The following SDHAF3 variants were observed in gnomAD, a reference collection of about 807,000 sequenced individuals.
SDHAF3 encodes the protein succinate dehydrogenase complex assembly factor 3.
A neutral mutation model predicts 11.5 loss-of-function variants in SDHAF3; 18 were observed. The observed-to-expected ratio is 1.56, with a 90% CI of 1.08 to 2.32. The LOEUF (loss-of-function observed/expected upper bound fraction) is 2.32. SDHAF3 is among the 30% of genes most tolerant of loss of function. The pLI is 0.00. For synonymous variants in SDHAF3, 72 were observed against 59.3 expected (o/e 1.21, Z -0.99); for missense variants, 200 against 154.4 (o/e 1.30, Z -1.57).
At chr7:97,145,385 T>G (rs979017704) in intron 1 of SDHAF3, among the ~76,000 whole-genome samples, 4 of 152,218 alleles carry the variant, frequency 2.6e-5, no homozygotes, top group African/African-American at 9.6e-5. Flanking sequence ...TTGTTGCCAC[T>G]TTAACTATTT....
intron 1 of SDHAF3, among the ~76,000 whole-genome samples, chr7:97,134,556 C>T (rs2115645372): frequency 6.6e-6 from 1 of 152,234 alleles, no homozygotes; most frequent in East Asian, 1.9e-4. Context: ...ATGTGATTCT[C>T]CTGCCTCAGC....
chr7:97,122,456 A>G (rs745998342), intron 1 of SDHAF3, among the ~76,000 whole-genome samples: 2 of 152,008 alleles, frequency 1.3e-5, no homozygotes, highest in Non-Finnish European at 2.9e-5. Flanking sequence ...ATAGGTATAT[A>G]CCTAAACCAA....
intron 1 of SDHAF3, among the ~76,000 whole-genome samples, chr7:97,161,170 A>G (rs2115717588): frequency 6.6e-6 from 1 of 152,176 alleles, no homozygotes; most frequent in South Asian, 2.1e-4. Flanking sequence ...GCCAGTGTTT[A>G]TTTTGCCTGT....
At chr7:97,152,297 A>C (rs1481368094) in intron 1 of SDHAF3, among the ~76,000 whole-genome samples, 1 of 152,216 alleles carries the variant, frequency 6.6e-6, no homozygotes, top group Non-Finnish European at 1.5e-5. Flanking sequence ...GGTATTACTC[A>C]TATCAGCCTC....
intron 1 of SDHAF3, among the ~76,000 whole-genome samples, chr7:97,123,287 T>C (rs1791527969): frequency 6.6e-6 from 1 of 152,174 alleles, no homozygotes; most frequent in African/African-American, 2.4e-5. Flanking sequence ...AGGATGATGG[T>C]TTCCAGCTTC....
intron 1 of SDHAF3, among the ~76,000 whole-genome samples, chr7:97,148,354 G>A (rs1278990504): frequency 6.6e-6 from 1 of 152,148 alleles, no homozygotes; most frequent in African/African-American, 2.4e-5. Flanking sequence ...GGGCAACAAA[G>A]TGAGACCTTG....
intron 1 of SDHAF3, among the ~76,000 whole-genome samples, chr7:97,167,044 ATTTTT>A (rs71131005): frequency 6.8e-6 from 1 of 147,744 alleles, no homozygotes; most frequent in East Asian, 2.0e-4. Flanking sequence ...ACTTTCAGTG[ATTTTT>A]TTTTTTTTCT....
intron 1 of SDHAF3, among the ~76,000 whole-genome samples, chr7:97,130,553 C>G (rs928190257): frequency 2.0e-5 from 3 of 152,172 alleles, no homozygotes; most frequent in African/African-American, 7.2e-5. Flanking sequence ...CTTGTTCATT[C>G]CCACTGCCCT....
chr7:97,163,964 T>G lies in SDHAF3; in HGVS notation c.175-17048T>G, dbSNP rs201847201. On this transcript the variant is annotated intron_variant, in intron 1 of 1. Coordinates refer to ENST00000432641, the MANE Select transcript of SDHAF3 (RefSeq NM_020186.3). ...GGGTTGAAAATTCTTTTTTTTTTTT[T>G]TTGAGACACAGTCTTGCTCTGTTGC... Among the ~76,000 whole-genome samples, 3 of 152,128 alleles carry G rather than the reference T, an allele frequency of 2.0e-5. No individual in the cohort carries two copies. In the East Asian group the frequency reaches 5.8e-4, roughly 29 times the overall value.
At chr7:97,141,940 T>C (rs12669915) in intron 1 of SDHAF3, among the ~76,000 whole-genome samples, 61,019 of 150,950 alleles carry the variant, frequency 0.4, 12,452 homozygotes, top group East Asian at 0.49. Context: ...AGTCTTTTTC[T>C]CCCCCAAAAG....
chr7:97,172,805 T>C (rs547027629), intron 1 of SDHAF3, among the ~76,000 whole-genome samples: 1 of 152,338 alleles, frequency 6.6e-6, no homozygotes, highest in Admixed American at 6.5e-5. Context: ...TTTAAAAATG[T>C]ATATTGTAAA....
intron 1 of SDHAF3, among the ~76,000 whole-genome samples, chr7:97,139,751 A>G (rs114788353): frequency 0.025 from 3,812 of 152,262 alleles, 149 homozygotes; most frequent in African/African-American, 0.087. Context: ...TCTGAAAACA[A>G]ATTTTGTAAT....
In SDHAF3 at chr7:97,117,709, T is replaced by A. The variant is rs781592739; in HGVS notation, c.-15T>A. Reference sequence around the variant, plus strand: ...CCCTCTGCGCAGGCGCAGTCGGCGGTCGGCGTGGGGCGCTATGCCGGGGCG... The same window carrying A: ...CCCTCTGCGCAGGCGCAGTCGGCGGACGGCGTGGGGCGCTATGCCGGGGCG... On this transcript the variant is annotated 5_prime_UTR_variant, in exon 1 of 2. Coordinates refer to ENST00000432641, the MANE Select transcript of SDHAF3 (RefSeq NM_020186.3). 1.2e-6 allele frequency: 2 copies of A among 1,605,928 alleles called. No homozygotes were observed. Among genetic ancestry groups the A allele is most frequent in the East Asian group, 4.5e-5 (2 of 44,738 alleles).
chr7:97,130,267 GT>G (rs1291933299), intron 1 of SDHAF3, among the ~76,000 whole-genome samples: 1 of 119,842 alleles, frequency 8.3e-6, no homozygotes, highest in Non-Finnish European at 1.7e-5. Flanking sequence ...GTGATACCCA[GT>G]CTAAAAAAAA....
At chr7:97,121,841 G>GT (rs59598335) in intron 1 of SDHAF3, among the ~76,000 whole-genome samples, 472 of 135,702 alleles carry the variant, frequency 3.5e-3, no homozygotes, top group Middle Eastern at 8.2e-3. Flanking sequence ...AGGTTTTTTG[G>GT]TTTTTTTTTT....
At chr7:97,118,015 G>A in intron 1 of SDHAF3, 118 bp downstream of exon 1, 1 of 1,233,940 alleles carries the variant, frequency 8.1e-7, no homozygotes, top group Admixed American at 2.5e-5. Flanking sequence ...GTTTGAAATA[G>A]CGTAATGCTG....
chr7:97,181,127 A>C lies in SDHAF3; in HGVS notation c.290A>C (p.Gln97Pro), dbSNP rs140794579. The C allele has an allele frequency of 4.4e-4, 715 of 1,614,086 alleles. 5 individuals carry two copies. The highest frequency in any genetic ancestry group is 4.8e-5 in the Non-Finnish European group (57 of 1,179,956). Reference sequence around the variant, plus strand: ...AAACTTAATGACTTTCGTGATGAACAAATTGGACAGTTGCAGGAGCTGATG... The same window carrying C: ...AAACTTAATGACTTTCGTGATGAACCAATTGGACAGTTGCAGGAGCTGATG... Reference protein sequence around the residue: ...EEKLNDFRDEQIGQLQELMQE... With the variant: ...EEKLNDFRDEPIGQLQELMQE... Residue 97 changes from glutamine to proline, a missense_variant, in exon 2 of 2, where the codon CAA becomes CCA. By Grantham distance (76) the Gln-to-Pro change is moderately conservative. Transcript: ENST00000432641.
chr7:97,160,935 TA>T (rs113096526), intron 1 of SDHAF3, among the ~76,000 whole-genome samples: 765 of 147,248 alleles, frequency 5.2e-3, no homozygotes, highest in Non-Finnish European at 6.4e-3. Flanking sequence ...TGTCATCTCT[TA>T]AAAAAAAAAA....
intron 1 of SDHAF3, among the ~76,000 whole-genome samples, chr7:97,136,140 A>G (rs955520765): frequency 3.9e-5 from 6 of 152,178 alleles, no homozygotes; most frequent in Non-Finnish European, 8.8e-5. Context: ...TGTTAGGACA[A>G]AGACTAATAG....
Sources: allele counts gnomAD v4.1 joint callset (sites outside exome capture counted in the v4.1 genomes callset), GRCh38; gene constraint gnomAD v4.1.1; transcripts MANE v1.5; gene names NCBI Gene and HGNC (gene_info 2026-07-23, HGNC 2026-07-21).